The following PTCH1 variants were observed in gnomAD, a reference collection of about 807,000 sequenced individuals.
PTCH1 encodes protein patched homolog 1.
A neutral mutation model predicts 144.6 loss-of-function variants in PTCH1; 14 were observed. The observed-to-expected ratio is 0.10, with a 90% CI of 0.06 to 0.15. PTCH1 has a LOEUF of 0.15. PTCH1 is among the 10% of genes least tolerant of loss of function. PTCH1 has a pLI of 1.00. For synonymous variants in PTCH1, 833 were observed against 793.6 expected (o/e 1.05, Z -0.83); for missense variants, 1,623 against 1,948.3 (o/e 0.83, Z 3.14).
chr9:95,516,142 T>G (rs1161246676), intron 1 of PTCH1, among the ~76,000 whole-genome samples: 10 of 151,360 alleles, frequency 6.6e-5, no homozygotes, highest in Admixed American at 1.3e-4. Context: ...GGCGACCCCC[T>G]CCGTGAGAAT....
intron 18 of PTCH1, 125 bp downstream of exon 18, chr9:95,457,888 A>G (rs1167615806): frequency 3.0e-6 from 4 of 1,317,958 alleles, no homozygotes; most frequent in African/African-American, 1.5e-5. Flanking sequence ...TAGAATAAAC[A>G]TATTACGGAT....
In PTCH1 at chr9:95,446,125, G is replaced by C. The variant is rs1837860000; in HGVS notation, c.*268C>G. On this transcript the variant is annotated 3_prime_UTR_variant, in exon 24 of 24. Transcript: ENST00000331920. The stretch of plus-strand genomic sequence containing the variant: ...ACAAATACGGAGAGGCCCCACTGTG[G>C]CCTCCACACTCTGGGGCAGGAGTGG... 3.7e-6 allele frequency: 1 copy of C among 268,464 alleles called. No individual in the cohort carries two copies. Among genetic ancestry groups the C allele is most frequent in the African/African-American group, 2.2e-5 (1 of 46,108 alleles). 16.6% of individuals were successfully genotyped at this position (268,464 alleles called of 1,614,324 possible).
exon 1 of PTCH1, chr9:95,516,705 T>C (rs1472711917): frequency 6.2e-6 from 10 of 1,613,164 alleles, no homozygotes; most frequent in Admixed American, 3.3e-5. Flanking sequence ...TCCTCCTCCG[T>C]CTTTACAAAA....
intron 16 of PTCH1, among the ~76,000 whole-genome samples, chr9:95,460,696 A>C (rs1395762482): frequency 6.6e-6 from 1 of 152,312 alleles, no homozygotes; most frequent in South Asian, 2.1e-4. Context: ...ACATCCCTGG[A>C]ATCAAACAGC....
Position 95,468,785 on chromosome 9 carries a change from T to A in PTCH1, c.2216A>T (p.His739Leu), listed in dbSNP as rs202033167. 105 of 1,614,080 alleles carry A rather than the reference T, an allele frequency of 6.5e-5. 1 individual carries two copies. Among genetic ancestry groups the A allele is most frequent in the Middle Eastern group, 3.3e-4 (2 of 6,082 alleles). ...KWTLSSFAEK[H>L]YAPFLLKPKA... The stretch of plus-strand genomic sequence containing the variant: ...TGGTTTCAAGAGGAAAGGAGCATAG[T>A]GCTTCTCAGCAAAAGATGAGAGTGT... The change falls in exon 14 of 24, where the codon CAC (histidine) becomes CTC (leucine). Residue 739 changes from histidine to leucine, a missense_variant. Physicochemically the swap from His to Leu is moderately conservative, Grantham distance 99. Coordinates refer to ENST00000331920, the MANE Select transcript of PTCH1 (RefSeq NM_000264.5).
At position 95,456,392 on chromosome 9, in the gene PTCH1, T is replaced by C. The variant is rs1838931276; in HGVS notation, c.3190A>G (p.Thr1064Ala). 6.2e-7 allele frequency: 1 copy of C among 1,613,910 alleles called. No individual in the cohort carries two copies. Among genetic ancestry groups the C allele is most frequent in the South Asian group, 1.1e-5 (1 of 91,074 alleles). The change falls in exon 19 of 24, where the codon ACG becomes GCG. Residue 1064 changes from threonine to alanine, a missense_variant. This residue lies in a region of PTCH1 where 504 missense variants were observed against 679.3 expected (regional missense o/e 0.74). Transcript: ENST00000331920. ...GIIVMVLALM[T>A]VELFGMMGLI... is the part of the protein sequence containing the mutation. ...CCCATCATGCCGAACAGCTCGACCGTCATCAGCGCCAGGACCATCACCTGG... is the reference window on the plus strand; with the variant it reads ...CCCATCATGCCGAACAGCTCGACCGCCATCAGCGCCAGGACCATCACCTGG...
At chr9:95,507,918 ACG>A (rs1554709322) in intron 1 of PTCH1, 11 of 1,374,956 alleles carry the variant, frequency 8.0e-6, no homozygotes, top group African/African-American at 4.4e-5. Flanking sequence ...ACACACACAC[ACG>A]CACACACACA....
intron 20 of PTCH1, chr9:95,451,240 A>T (rs543799911): frequency 5.9e-5 from 9 of 152,236 alleles, no homozygotes; most frequent in African/African-American, 9.6e-5. Context: ...CGGCTGGGGC[A>T]TGTATCAGCA....
chr9:95,512,680 C>G (rs1844213727), upstream of PTCH1, among the ~76,000 whole-genome samples: 2 of 152,152 alleles, frequency 1.3e-5, no homozygotes, highest in South Asian at 4.1e-4. Context: ...TGTGCCACAC[C>G]GGGTTTGTTA....
rs963973865 is a variant in PTCH1, at chr9:95,475,910, A to G, written c.1728+124T>C. 32 of 1,466,102 alleles carry G rather than the reference A, an allele frequency of 2.2e-5. No homozygotes were observed. In the African/African-American group the frequency reaches 3.8e-4, roughly 17 times the overall value. The allele number at this position is 1,466,102 out of a possible 1,614,324, so 90.8% of individuals were successfully genotyped here. ...ATCCACCCAGTTAAACAGAGCCTCA[A>G]ACACAGGCATTTCTATTTCACTTCA... On this transcript the variant is annotated intron_variant, in intron 12 of 23. Transcript: ENST00000331920.
Position 95,449,356 on chromosome 9 carries a change from T to G in PTCH1, c.3550-33A>C. 6.5e-7 allele frequency: 1 copy of G among 1,539,454 alleles called. No homozygotes were observed. Among genetic ancestry groups the G allele is most frequent in the Non-Finnish European group, 8.7e-7 (1 of 1,147,128 alleles). ...AGGGGATTCCATGTTAAAAGTGTTC[T>G]TGTCCATTTACCTGCTGGCCACACT... On this transcript the variant is annotated intron_variant, in intron 21 of 23. Transcript: ENST00000331920. The surrounding 1 kb of genome is among the most constrained non-coding windows in gnomAD (Gnocchi z 5.3).
At chr9:95,477,260 C>T (rs1588599768) in intron 10 of PTCH1, among the ~76,000 whole-genome samples, 1 of 152,184 alleles carries the variant, frequency 6.6e-6, no homozygotes. Flanking sequence ...GCAAGCCATG[C>T]AAATGCCCAC....
intron 20 of PTCH1, chr9:95,450,308 A>C: frequency 5.9e-6 from 2 of 336,724 alleles, no homozygotes. Flanking sequence ...CACAAACACA[A>C]TGCCGAGGGG....
At chr9:95,507,092 C>T (rs530273396) in intron 1 of PTCH1, 50 of 985,960 alleles carry the variant, frequency 5.1e-5, no homozygotes, top group African/African-American at 2.8e-4. Context: ...CCCAACTGGA[C>T]CCCCGCCGAG....
At position 95,459,648 on chromosome 9, in the gene PTCH1, C is replaced by G. The variant is rs768039033; in HGVS notation, c.2839G>C (p.Glu947Gln). The change falls in exon 17 of 24, where the codon GAA becomes CAA. Residue 947 changes from glutamate (E) to glutamine (Q), a missense_variant. By Grantham distance (29) the Glu-to-Gln change is conservative. Transcript: ENST00000331920. Reference protein sequence around the residue: ...SQANIRPHRPEWVHDKADYMP... With the variant: ...SQANIRPHRPQWVHDKADYMP... ...TAGTCGGCTTTGTCGTGGACCCATT[C>G]TGGTCGGTGTGGCCGGATGTTGGCC... is the stretch of plus-strand genomic sequence containing the variant. 4 of 1,614,026 alleles carry G rather than the reference C, an allele frequency of 2.5e-6. No individual in the cohort carries two copies. Among genetic ancestry groups the G allele is most frequent in the Non-Finnish European group, 3.4e-6 (4 of 1,180,050 alleles).
chr9:95,478,169 G>A lies in PTCH1; in HGVS notation c.1233C>T (p.Val411=), dbSNP rs752518133. 7 of 1,614,016 alleles carry A rather than the reference G, an allele frequency of 4.3e-6. No individual in the cohort carries two copies. The highest frequency in any genetic ancestry group is 2.2e-5 in the South Asian group (2 of 91,060). ...RTYVEVVHQS[V]AQNSTQKVLS... is the part of the protein sequence containing the mutation. The stretch of plus-strand genomic sequence containing the variant: ...GCACCTTTTGAGTGGAGTTCTGTGC[G>A]ACACTCTGATGAACCACCTGTGGTC... Residue 411 remains valine (V), a synonymous_variant, in exon 9 of 24, where the codon GTC becomes GTT. Transcript: ENST00000331920.
upstream of PTCH1, among the ~76,000 whole-genome samples, chr9:95,510,576 G>C (rs1008255425): frequency 6.6e-6 from 1 of 151,834 alleles, no homozygotes; most frequent in African/African-American, 2.4e-5. Flanking sequence ...GTTCCTCCCT[G>C]CGGTAGGAAC....
At chr9:95,467,760 C>G (rs372421278) in intron 14 of PTCH1, among the ~76,000 whole-genome samples, 6 of 151,980 alleles carry the variant, frequency 3.9e-5, no homozygotes, top group East Asian at 1.9e-4. Flanking sequence ...TGCACCACCA[C>G]GCCTGGCTAT....
At position 95,469,808 on chromosome 9, in the gene PTCH1, T is replaced by C. The variant is rs1286074829; in HGVS notation, c.1847+5A>G. On this transcript the variant is annotated splice_donor_5th_base_variant and intron_variant, in intron 13 of 23. Transcript: ENST00000331920. ...TCAAAAGGCCACAGCAGTCTGAAAA[T>C]GTACCTTGTAAAACAGCAGAAAATA... 3 of 1,607,282 alleles carry C rather than the reference T, an allele frequency of 1.9e-6. No homozygotes were observed. Among genetic ancestry groups the C allele is most frequent in the Non-Finnish European group, 1.7e-6 (2 of 1,173,782 alleles).
Sources: allele counts gnomAD v4.1 joint callset (sites outside exome capture counted in the v4.1 genomes callset), GRCh38; gene constraint gnomAD v4.1.1; regional missense constraint gnomAD v4.1.1; non-coding constraint Gnocchi (gnomAD v3.1); transcripts MANE v1.5; gene names NCBI Gene and HGNC (gene_info 2026-07-23, HGNC 2026-07-21).